The following RBFOX1 variants were observed in gnomAD, a reference collection of about 807,000 sequenced individuals.
RBFOX1 encodes RNA binding fox-1 homolog 1, also known as RNA binding protein fox-1 homolog 1.
RBFOX1 carries 8 observed loss-of-function variants against 57.7 expected under a neutral mutation model. The ratio of observed to expected loss-of-function variants is 0.14; its 90% CI spans 0.08 to 0.25. The LOEUF is 0.25. Ranked by LOEUF, RBFOX1 falls within the 10% of genes least tolerant of loss-of-function variation. RBFOX1 has a pLI of 1.00. For missense variants in RBFOX1, 611 were observed against 548.5 expected, an observed-to-expected ratio of 1.11 and a Z score of -1.14; for synonymous variants, 326 against 222.4, an observed-to-expected ratio of 1.47 and a Z score of -4.15.
At chr16:6,865,724 G>A (rs552975533) in intron 3 of RBFOX1, among the ~76,000 whole-genome samples, 16 of 152,068 alleles carry the variant, frequency 1.1e-4, no homozygotes, top group African/African-American at 3.9e-4. Context: ...CCTCTCATTT[G>A]CTATTTTATC....
At chr16:7,504,940 G>A (rs1834957908) in intron 4 of RBFOX1, among the ~76,000 whole-genome samples, 1 of 149,220 alleles carries the variant, frequency 6.7e-6, no homozygotes, top group African/African-American at 2.5e-5. Flanking sequence ...ACAGACAGGT[G>A]AAGCCCTACG....
intron 3 of RBFOX1, among the ~76,000 whole-genome samples, chr16:6,699,618 G>C (rs1315347830): frequency 2.6e-5 from 4 of 152,186 alleles, no homozygotes; most frequent in South Asian, 4.1e-4. Flanking sequence ...GACGGGAAGA[G>C]TGTTTTTGTT....
intron 3 of RBFOX1, among the ~76,000 whole-genome samples, chr16:7,047,201 A>G (rs2048285958): frequency 6.6e-6 from 1 of 151,928 alleles, no homozygotes; most frequent in Non-Finnish European, 1.5e-5. Context: ...TATTTCCTTT[A>G]TCTGGAAAAC....
intron 4 of RBFOX1, among the ~76,000 whole-genome samples, chr16:7,340,002 C>G (rs949132219): frequency 6.6e-6 from 1 of 152,158 alleles, no homozygotes; most frequent in African/African-American, 2.4e-5. Context: ...TTTAGAAATT[C>G]TCTTCCCAAC....
chr16:6,931,321 CTA>C (rs1567941600), intron 3 of RBFOX1, among the ~76,000 whole-genome samples: 20 of 127,824 alleles, frequency 1.6e-4, no homozygotes, highest in African/African-American at 3.1e-4. Flanking sequence ...ATCTATCTAT[CTA>C]TCTATCTATC....
chr16:7,656,522 G>A (rs1322587817), intron 12 of RBFOX1, among the ~76,000 whole-genome samples: 1 of 152,178 alleles, frequency 6.6e-6, no homozygotes, highest in African/African-American at 2.4e-5. Context: ...GTAGCATAGA[G>A]GTTAGAAATA....
intron 13 of RBFOX1, among the ~76,000 whole-genome samples, chr16:7,666,255 G>A (rs56709192): frequency 0.028 from 4,222 of 152,208 alleles, 124 homozygotes; most frequent in East Asian, 0.18. Flanking sequence ...TATTGCAGAT[G>A]GGAGGAGCCA....
intron 3 of RBFOX1, among the ~76,000 whole-genome samples, chr16:6,782,446 A>T (rs1029642697): frequency 4.6e-5 from 7 of 152,104 alleles, no homozygotes; most frequent in African/African-American, 1.7e-4. Context: ...ATGTATTTAT[A>T]TAGTTTCCAG....
intron 3 of RBFOX1, among the ~76,000 whole-genome samples, chr16:5,773,917 C>A (rs1305365165): frequency 1.3e-5 from 2 of 152,122 alleles, no homozygotes; most frequent in Non-Finnish European, 2.9e-5. Flanking sequence ...TGGTCTCGAT[C>A]TACTGACCTC....
At chr16:6,596,795 C>T (rs1341953181) in intron 2 of RBFOX1, among the ~76,000 whole-genome samples, 5 of 152,154 alleles carry the variant, frequency 3.3e-5, no homozygotes, top group African/African-American at 4.8e-5. Context: ...ACACAATACA[C>T]AAATGTACCC....
intron 1 of RBFOX1, among the ~76,000 whole-genome samples, chr16:6,263,037 C>T (rs949100644): frequency 6.6e-6 from 1 of 152,078 alleles, no homozygotes; most frequent in Non-Finnish European, 1.5e-5. Context: ...GTCACCCACT[C>T]AAAGAACCAG....
intron 11 of RBFOX1, among the ~76,000 whole-genome samples, chr16:7,632,803 A>T (rs917195417): frequency 2.0e-5 from 3 of 152,358 alleles, no homozygotes; most frequent in East Asian, 3.9e-4. Flanking sequence ...TTAATTAGCC[A>T]TATAGGGGCT....
At chr16:6,487,293 C>G (rs1226829838) in intron 2 of RBFOX1, among the ~76,000 whole-genome samples, 2 of 151,864 alleles carry the variant, frequency 1.3e-5, no homozygotes, top group African/African-American at 4.8e-5. Context: ...ATTTCACTGC[C>G]TAGATTAATA....
chr16:6,410,044 C>T (rs372283030), intron 2 of RBFOX1, among the ~76,000 whole-genome samples: 1 of 152,122 alleles, frequency 6.6e-6, no homozygotes, highest in Non-Finnish European at 1.5e-5. Flanking sequence ...ACTAGGAGCC[C>T]TGCTTCTGGG....
chr16:7,142,644 T>G (rs576777503), intron 4 of RBFOX1, among the ~76,000 whole-genome samples: 1 of 152,334 alleles, frequency 6.6e-6, no homozygotes, highest in Admixed American at 6.5e-5. Context: ...AGCATTTTGA[T>G]TGATAACAGT....
chr16:5,839,474 C>G (rs1199780662), intron 3 of RBFOX1, among the ~76,000 whole-genome samples: 1 of 152,180 alleles, frequency 6.6e-6, no homozygotes, highest in African/African-American at 2.4e-5. Context: ...TGCAGATTTC[C>G]CATAAGCCCT....
At chr16:6,367,748 TAAAA>T (rs566126562) in intron 2 of RBFOX1, among the ~76,000 whole-genome samples, 10 of 143,722 alleles carry the variant, frequency 7.0e-5, no homozygotes, top group South Asian at 2.2e-4. Context: ...TTGCAATTGT[TAAAA>T]AAAAAAAAAA....
chr16:5,998,688 C>G (rs1432215606), intron 4 of RBFOX1, among the ~76,000 whole-genome samples: 1 of 152,286 alleles, frequency 6.6e-6, no homozygotes, highest in African/African-American at 2.4e-5. Flanking sequence ...TCCGAATGTC[C>G]TTTCTGCTTA....
intron 4 of RBFOX1, among the ~76,000 whole-genome samples, chr16:5,952,022 C>T (rs1023694031): frequency 4.8e-4 from 73 of 150,758 alleles, no homozygotes; most frequent in African/African-American, 1.8e-3. Flanking sequence ...TATATGCACA[C>T]ACACACATAT....
Sources: allele counts gnomAD v4.1 joint callset (sites outside exome capture counted in the v4.1 genomes callset), GRCh38; gene constraint gnomAD v4.1.1; transcripts MANE v1.5; gene names NCBI Gene and HGNC (gene_info 2026-07-23, HGNC 2026-07-21).